Variants in TGM5 observed in about 807,000 individuals in gnomAD.
The protein encoded by TGM5 is protein-glutamine gamma-glutamyltransferase 5.
A neutral mutation model predicts 77.2 loss-of-function variants in TGM5; 69 were observed. The ratio of observed to expected loss-of-function variants is 0.89; its 90% CI spans 0.74 to 1.09. TGM5 has a LOEUF of 1.09. TGM5 is among the 50% of genes least tolerant of loss of function. The probability of loss-of-function intolerance (pLI) is 0.00; values close to 1 mark genes in which losing one functional copy is unlikely to be tolerated. For missense variants in TGM5, 842 were observed against 896.5 expected, an observed-to-expected ratio of 0.94 and a Z score of 0.78; for synonymous variants, 346 against 351.8, an observed-to-expected ratio of 0.98 and a Z score of 0.18.
chr15:43,262,821 A>G (rs1447489387), intron 1 of TGM5, among the ~76,000 whole-genome samples: 1 of 152,244 alleles, frequency 6.6e-6, no homozygotes, highest in Non-Finnish European at 1.5e-5. Context: ...ATAAGGAACA[A>G]GACAAGAATG....
rs778663652 is a variant in TGM5 at position 43,240,852 on chromosome 15, C to G, written c.1001G>C (p.Trp334Ser). The G allele has an allele frequency of 6.2e-7, 1 of 1,614,108 alleles. No homozygotes were observed. Among genetic ancestry groups the G allele is most frequent in the Non-Finnish European group, 8.5e-7 (1 of 1,180,014 alleles). The stretch of plus-strand genomic sequence containing the variant: ...AATAGGTTGAGAGGTTGTTTCTCAC[C>G]AGATAGTATCCTTCTTCTTATTCCC... ...ILGNKKKDTI[W>S]NFHVWNECWM... The change falls in exon 7 of 13, where the codon TGG becomes TCG. Residue 334 changes from tryptophan (W) to serine (S), a missense_variant and splice_region_variant. Trp to Ser is a radical substitution (Grantham distance 177, BLOSUM62 -3). Transcript: ENST00000220420.
At chr15:43,240,702 T>C (rs2042628249) in intron 7 of TGM5, 150 bp downstream of exon 7, 3 of 853,322 alleles carry the variant, frequency 3.5e-6, no homozygotes, top group African/African-American at 2.7e-5. Flanking sequence ...GGGGACAGCC[T>C]TGGTGGGGGG....
chr15:43,256,523 A>T, intron 4 of TGM5, 45 bp downstream of exon 4: 2 of 1,491,464 alleles, frequency 1.3e-6, no homozygotes, highest in Non-Finnish European at 1.9e-6. Context: ...CCCTCTCCCC[A>T]CAAGCTCGGG....
Position 43,240,986 on chromosome 15 carries a change from C to T in TGM5, c.867G>A (p.Met289Ile), listed in dbSNP as rs769220080. The T allele has an allele frequency of 2.0e-5, 32 of 1,614,028 alleles. 1 individual carries two copies. The East Asian group carries it at 6.2e-4, about 31-fold the overall frequency. The change falls in exon 7 of 13, where the codon ATG becomes ATA. Residue 289 changes from methionine to isoleucine, a missense_variant. Met to Ile is a conservative substitution (Grantham distance 10). Around this residue, in one of 2 missense-constraint regions of TGM5, gnomAD observed 815 missense variants for 844.6 expected, o/e 0.96. Coordinates refer to ENST00000220420, the MANE Select transcript of TGM5 (RefSeq NM_201631.4). ...CACGGGTAGGGATCCCCAGACACCT[C>T]ATCACTGCAAAAAGGGCACAAAAAA... Reference protein sequence around the residue: ...WVFAAVMCTVMRCLGIPTRVI... With the variant: ...WVFAAVMCTVIRCLGIPTRVI...
Position 43,266,387 on chromosome 15 carries a change from G to A in TGM5, c.10+453C>T, listed in dbSNP as rs2042824809. On this transcript the variant is annotated intron_variant, in intron 1 of 12. Coordinates refer to ENST00000220420, the MANE Select transcript of TGM5 (RefSeq NM_201631.4). ...AGCTAAGATCAGTAATAGACCTTCT[G>A]AAATGGAGGAAGAAGAGAAGATATG... Among the ~76,000 whole-genome samples, 3 of 152,192 alleles carry A rather than the reference G, an allele frequency of 2.0e-5. No individual in the cohort carries two copies. In the South Asian group the frequency reaches 6.2e-4, roughly 31 times the overall value.
Position 43,233,698 on chromosome 15 carries a change from C to A in TGM5, c.1876-11G>T. ...GGCTGCTCCTAGAACCTAAACAGAC[C>A]AGGAGGGGAAGGAGAATTAGTTCTC... On this transcript the variant is annotated splice_polypyrimidine_tract_variant and intron_variant, in intron 11 of 12. Transcript: ENST00000220420. 1 of 1,613,960 alleles carries A rather than the reference C, an allele frequency of 6.2e-7. No homozygotes were observed. The highest frequency in any genetic ancestry group is 8.5e-7 in the Non-Finnish European group (1 of 1,179,944).
chr15:43,254,720 T>G (rs1206325202), intron 4 of TGM5, among the ~76,000 whole-genome samples: 1 of 152,134 alleles, frequency 6.6e-6, no homozygotes, highest in Non-Finnish European at 1.5e-5. Flanking sequence ...CCCACCCTCG[T>G]GTCTTTGCTC....
intron 9 of TGM5, among the ~76,000 whole-genome samples, chr15:43,237,331 G>A: frequency 6.6e-6 from 1 of 152,152 alleles, no homozygotes; most frequent in Non-Finnish European, 1.5e-5. Context: ...GGCCAGAAGT[G>A]CTAAAGAATT....
At chr15:43,239,388 A>C in intron 7 of TGM5, 122 bp from the exon 8 acceptor site, 1 of 984,506 alleles carries the variant, frequency 1.0e-6, no homozygotes, top group Non-Finnish European at 1.6e-6. Context: ...AGGGCTTAAA[A>C]CCTCTGTGGA....
At chr15:43,257,400 T>G (rs947731573) in intron 3 of TGM5, among the ~76,000 whole-genome samples, 3 of 152,216 alleles carry the variant, frequency 2.0e-5, no homozygotes, top group African/African-American at 7.2e-5. Context: ...ACAGCATGAA[T>G]TTTTATACAT....
rs2042555153 is a variant in TGM5 at position 43,232,740 on chromosome 15, C to G, written c.*451G>C. On this transcript the variant is annotated 3_prime_UTR_variant, in exon 13 of 13. Transcript: ENST00000220420. ...CATGGCCAAGTCCTACCAGTATCCT[C>G]TGACCTCTGTGCCAAATCACGCTTC... 1 of 196,080 alleles carries G rather than the reference C, an allele frequency of 5.1e-6. No homozygotes were observed. The allele number at this position is 196,080 out of a possible 1,614,324, so 12.1% of individuals were successfully genotyped here. A position where few individuals can be genotyped will look rare whatever the true frequency, so the allele number is the denominator to read the frequency against.
intron 6 of TGM5, among the ~76,000 whole-genome samples, chr15:43,245,219 G>C (rs569001774): frequency 6.6e-6 from 1 of 152,266 alleles, no homozygotes; most frequent in South Asian, 2.1e-4. Context: ...AATGCATTCA[G>C]TTAGCTTTAC....
In TGM5 at chr15:43,257,778, C is replaced by T. The variant is rs2042752918; in HGVS notation, c.437-1092G>A. Among the ~76,000 whole-genome samples, 4 of 152,146 alleles carry T rather than the reference C, an allele frequency of 2.6e-5. No individual in the cohort carries two copies. The South Asian group carries it at 6.2e-4, about 24-fold the overall frequency. On this transcript the variant is annotated intron_variant, in intron 3 of 12. Coordinates refer to ENST00000220420, the MANE Select transcript of TGM5 (RefSeq NM_201631.4). ...ATGCTGCTATAAAGACACATGCACA[C>T]GTATGTTTATTGTGGCACTATCCAT...
chr15:43,235,424 A>G (rs1281729501), intron 10 of TGM5, 45 bp downstream of exon 10: 1 of 1,613,674 alleles, frequency 6.2e-7, no homozygotes, highest in Non-Finnish European at 8.5e-7. Context: ...CCCCACTGAC[A>G]TTGCCAAAAC....
intron 11 of TGM5, among the ~76,000 whole-genome samples, chr15:43,234,242 G>A (rs2042570207): frequency 6.6e-6 from 1 of 152,204 alleles, no homozygotes; most frequent in Non-Finnish European, 1.5e-5. Flanking sequence ...GGTTGACTTT[G>A]GGGAGACAGC....
Position 43,252,939 on chromosome 15 carries a change from G to A in TGM5, c.685-3C>T. ...CCATTATCATCATTGCTGTTGATCT[G>A]AAGAGAAGCCATATAGAGAAGTGTT... On this transcript the variant is annotated splice_region_variant and splice_polypyrimidine_tract_variant and intron_variant, in intron 5 of 12. Transcript: ENST00000220420. 6.2e-7 allele frequency: 1 copy of A among 1,612,676 alleles called. No individual in the cohort carries two copies. Among genetic ancestry groups the A allele is most frequent in the Non-Finnish European group, 8.5e-7 (1 of 1,179,960 alleles).
At chr15:43,252,049 A>G (rs138394215) in intron 6 of TGM5, among the ~76,000 whole-genome samples, 1 of 152,218 alleles carries the variant, frequency 6.6e-6, no homozygotes, top group East Asian at 1.9e-4. Context: ...TTTCCCTTCC[A>G]TGTACACATC....
At chr15:43,240,120 T>C (rs2042623642) in intron 7 of TGM5, among the ~76,000 whole-genome samples, 1 of 152,158 alleles carries the variant, frequency 6.6e-6, no homozygotes, top group South Asian at 2.1e-4. Context: ...CTAAAAATAT[T>C]ACCCTAGCTT....
chr15:43,260,366 C>T (rs774260122), intron 2 of TGM5, 34 bp downstream of exon 2: 18 of 1,614,090 alleles, frequency 1.1e-5, no homozygotes, highest in Non-Finnish European at 1.5e-5. Context: ...CTCCCAGACA[C>T]ACACAGCCCC....
Sources: allele counts gnomAD v4.1 joint callset (sites outside exome capture counted in the v4.1 genomes callset), GRCh38; gene constraint gnomAD v4.1.1; regional missense constraint gnomAD v4.1.1; transcripts MANE v1.5; gene names NCBI Gene and HGNC (gene_info 2026-07-23, HGNC 2026-07-21).